Variants in ROBO2 observed in about 807,000 individuals in gnomAD.
ROBO2 encodes the protein roundabout homolog 2.
Under a neutral mutation model 160.8 loss-of-function variants are expected in ROBO2, and 53 were observed. The observed-to-expected ratio is 0.33, with a 90% CI of 0.26 to 0.41. The LOEUF is 0.41. Ranked by LOEUF, ROBO2 falls within the 10% of genes least tolerant of loss-of-function variation. The pLI is 1.00. For missense variants in ROBO2, 1,577 were observed against 1,722.4 expected, an observed-to-expected ratio of 0.92 and a Z score of 1.49; for synonymous variants, 664 against 611.7, an observed-to-expected ratio of 1.09 and a Z score of -1.26.
intron 2 of ROBO2, among the ~76,000 whole-genome samples, chr3:76,768,283 G>A (rs1395410326): frequency 6.6e-6 from 1 of 151,368 alleles, no homozygotes; most frequent in East Asian, 2.0e-4. Flanking sequence ...TACGAGGTCA[G>A]TTTTCTGCGG....
At chr3:77,016,344 C>T (rs544117671) in intron 2 of ROBO2, among the ~76,000 whole-genome samples, 1 of 151,882 alleles carries the variant, frequency 6.6e-6, no homozygotes, top group African/African-American at 2.4e-5. Flanking sequence ...GGTCATGGTG[C>T]CACTGTAAAT....
chr3:77,106,034 G>T (rs1233848074), intron 2 of ROBO2, among the ~76,000 whole-genome samples: 5 of 152,122 alleles, frequency 3.3e-5, no homozygotes, highest in African/African-American at 9.6e-5. Flanking sequence ...ATTTCTTACT[G>T]TAATTTTTTG....
intron 2 of ROBO2, among the ~76,000 whole-genome samples, chr3:76,256,338 TCTCTCTCTCTCTC>T (rs1344936704): frequency 2.6e-3 from 231 of 88,716 alleles, no homozygotes; most frequent in Non-Finnish European, 2.8e-3. Flanking sequence ...TCTCTCTCTC[TCTCTCTCTCTCTC>T]TCACATACAC....
chr3:76,887,392 TAAATAATA>T (rs2073988157), intron 2 of ROBO2, among the ~76,000 whole-genome samples: 1 of 151,844 alleles, frequency 6.6e-6, no homozygotes, highest in Admixed American at 6.6e-5. Context: ...TAATGTAAAA[TAAATAATA>T]AAATAAAGCA....
At chr3:77,353,772 A>C (rs2068679932) in intron 2 of ROBO2, among the ~76,000 whole-genome samples, 1 of 152,126 alleles carries the variant, frequency 6.6e-6, no homozygotes, top group Non-Finnish European at 1.5e-5. Context: ...TGGCCTCCCA[A>C]AGTGCTGGGA....
chr3:77,287,103 T>C (rs2060655196), intron 2 of ROBO2, among the ~76,000 whole-genome samples: 1 of 152,186 alleles, frequency 6.6e-6, no homozygotes. Flanking sequence ...TAAGCCATTG[T>C]TTTATGGAAT....
chr3:75,989,928 G>A (rs1289619668), intron 2 of ROBO2, among the ~76,000 whole-genome samples: 2 of 152,124 alleles, frequency 1.3e-5, no homozygotes, highest in African/African-American at 2.4e-5. Flanking sequence ...TCACAGCTAG[G>A]AATTTCCTTT....
At chr3:77,290,328 CCCAGACA>C (rs2061046878) in intron 2 of ROBO2, among the ~76,000 whole-genome samples, 1 of 89,198 alleles carries the variant, frequency 1.1e-5, no homozygotes, top group East Asian at 3.7e-4. Context: ...GCTAGATCAC[CCCAGACA>C]TAAAGTAAAA....
intron 2 of ROBO2, among the ~76,000 whole-genome samples, chr3:76,126,974 C>T (rs1056048511): frequency 1.3e-5 from 2 of 152,040 alleles, no homozygotes; most frequent in East Asian, 3.8e-4. Context: ...ATGTCCTTTC[C>T]GTGTTTACCT....
At chr3:77,311,809 G>A (rs1221695689) in intron 2 of ROBO2, among the ~76,000 whole-genome samples, 3 of 152,102 alleles carry the variant, frequency 2.0e-5, no homozygotes, top group South Asian at 2.1e-4. Context: ...ACTCAGGGCC[G>A]GGCGCAGTGG....
intron 2 of ROBO2, among the ~76,000 whole-genome samples, chr3:75,985,619 G>A (rs867574322): frequency 4.6e-5 from 7 of 151,534 alleles, no homozygotes; most frequent in Admixed American, 3.3e-4. Flanking sequence ...CTATGTATAG[G>A]TCAGTGATAC....
At chr3:77,057,366 C>A (rs1277647684) in intron 1 of ROBO2, among the ~76,000 whole-genome samples, 1 of 151,772 alleles carries the variant, frequency 6.6e-6, no homozygotes. Flanking sequence ...ATGTAAATGA[C>A]GAGTTAATGG....
At chr3:77,059,318 C>T (rs982433441) in intron 1 of ROBO2, among the ~76,000 whole-genome samples, 2 of 152,030 alleles carry the variant, frequency 1.3e-5, no homozygotes, top group African/African-American at 4.8e-5. Context: ...TGGAAGAAGG[C>T]TGGGCTGGAT....
chr3:76,575,088 T>C (rs866070046), intron 2 of ROBO2, among the ~76,000 whole-genome samples: 4 of 152,072 alleles, frequency 2.6e-5, no homozygotes, highest in African/African-American at 9.7e-5. Flanking sequence ...TTGGAAAACA[T>C]CCAAAAAAAT....
chr3:76,996,355 C>A (rs1020308504), intron 2 of ROBO2, among the ~76,000 whole-genome samples: 2 of 152,104 alleles, frequency 1.3e-5, no homozygotes, highest in African/African-American at 4.8e-5. Flanking sequence ...GTTACTGTAG[C>A]CTTGTAGTAT....
At chr3:76,976,574 A>G (rs1415036864) in intron 2 of ROBO2, among the ~76,000 whole-genome samples, 1 of 152,188 alleles carries the variant, frequency 6.6e-6, no homozygotes, top group Non-Finnish European at 1.5e-5. Context: ...GTGACATTTT[A>G]TAACAATTGG....
chr3:77,559,520 A>C (rs935258401), intron 9 of ROBO2, among the ~76,000 whole-genome samples: 1 of 152,106 alleles, frequency 6.6e-6, no homozygotes, highest in Non-Finnish European at 1.5e-5. Flanking sequence ...AATCTGTAGA[A>C]TCTTGGGTCC....
chr3:77,177,359 C>T (rs1474471330), intron 2 of ROBO2, among the ~76,000 whole-genome samples: 1 of 151,876 alleles, frequency 6.6e-6, no homozygotes, highest in Non-Finnish European at 1.5e-5. Flanking sequence ...GTACAGTCAT[C>T]CCTCAGCATC....
At chr3:76,288,816 T>C (rs1188683657) in intron 2 of ROBO2, among the ~76,000 whole-genome samples, 3 of 152,168 alleles carry the variant, frequency 2.0e-5, no homozygotes, top group East Asian at 3.8e-4. Context: ...GCAAAGGACA[T>C]GTTCTCATTC....
Sources: gnomAD v4.1 joint callset for allele counts (sites outside exome capture counted in the v4.1 genomes callset) on GRCh38, gnomAD v4.1.1 for gene constraint, MANE v1.5 for transcripts, NCBI Gene and HGNC (gene_info 2026-07-23, HGNC 2026-07-21) for gene names.